Variants in IQGAP3 observed in about 807,000 individuals in gnomAD.
IQGAP3 encodes the protein IQ motif containing GTPase activating protein 3.
A neutral mutation model predicts 208.2 loss-of-function variants in IQGAP3; 165 were observed. That is an observed-to-expected ratio of 0.79 (90% CI 0.70 to 0.90). IQGAP3 has a LOEUF of 0.90. Among genes scored for constraint, IQGAP3 ranks in the 40% least tolerant of loss-of-function variants. The probability of loss-of-function intolerance (pLI) is 0.00; values close to 1 mark genes in which losing one functional copy is unlikely to be tolerated. For synonymous variants in IQGAP3, 703 were observed against 803.6 expected (o/e 0.87, Z 2.12); for missense variants, 1,811 against 2,043.1 (o/e 0.89, Z 2.19).
intron 12 of IQGAP3, among the ~76,000 whole-genome samples, chr1:156,554,612 A>G (rs1011402982): frequency 6.6e-6 from 1 of 152,234 alleles, no homozygotes; most frequent in Non-Finnish European, 1.5e-5. Flanking sequence ...AATTTTCATA[A>G]TAAGCCGACA....
At chr1:156,561,066 C>T in intron 10 of IQGAP3, 45 bp from the exon 11 acceptor site, 1 of 1,405,986 alleles carries the variant, frequency 7.1e-7, no homozygotes, top group Non-Finnish European at 1.0e-6. Context: ...CTTCCGGGGC[C>T]ATGACCATGC....
At chr1:156,539,758 A>G in intron 24 of IQGAP3, 80 bp downstream of exon 24, 1 of 1,510,058 alleles carries the variant, frequency 6.6e-7, no homozygotes, top group Non-Finnish European at 9.2e-7. Context: ...CATGGTGCCA[A>G]ACGCACAGAC....
chr1:156,539,248 G>C (rs1293749280), intron 25 of IQGAP3, 126 bp downstream of exon 25: 2 of 969,558 alleles, frequency 2.1e-6, no homozygotes, highest in African/African-American at 1.6e-5. Flanking sequence ...ACAGGAGGTA[G>C]AGAAAAGAGG....
intron 2 of IQGAP3, among the ~76,000 whole-genome samples, chr1:156,567,521 T>A (rs1466065826): frequency 6.6e-6 from 1 of 152,216 alleles, no homozygotes. Context: ...ACACTTTGAA[T>A]ATAAAGTATT....
At chr1:156,553,501 CTACT>C (rs1419645250) in intron 13 of IQGAP3, among the ~76,000 whole-genome samples, 1 of 152,134 alleles carries the variant, frequency 6.6e-6, no homozygotes, top group Non-Finnish European at 1.5e-5. Context: ...AAAACTGTCC[CTACT>C]ATGTCTCTAC....
chr1:156,537,102 T>C (rs1478474969), intron 27 of IQGAP3, 79 bp downstream of exon 27: 1 of 1,471,194 alleles, frequency 6.8e-7, no homozygotes, highest in Non-Finnish European at 9.3e-7. Context: ...TGCAGGACTA[T>C]CACCCTGCTC....
chr1:156,572,158 G>A (rs1261534642), intron 1 of IQGAP3, among the ~76,000 whole-genome samples: 2 of 152,182 alleles, frequency 1.3e-5, no homozygotes, highest in Non-Finnish European at 2.9e-5. Flanking sequence ...TGGCATCGCT[G>A]GGCAAGTTTG....
In IQGAP3 at chr1:156,543,973, C is replaced by A. The variant is rs1296616451; in HGVS notation, c.2530+8G>T. 1 of 1,613,288 alleles carries A rather than the reference C, an allele frequency of 6.2e-7. No individual in the cohort carries two copies. The highest frequency in any genetic ancestry group is 1.1e-5 in the South Asian group (1 of 91,068). ...CAACAGCTGGGGAGGGTGGATCAGG[C>A]AGCTCACCTAATATCCTGTAGTCAT... On this transcript the variant is annotated splice_region_variant and intron_variant, in intron 22 of 37. Coordinates refer to ENST00000361170, the MANE Select transcript of IQGAP3 (RefSeq NM_178229.5).
chr1:156,530,390 G>T, intron 33 of IQGAP3, 73 bp from the exon 34 acceptor site: 1 of 1,328,412 alleles, frequency 7.5e-7, no homozygotes, highest in South Asian at 1.3e-5. Flanking sequence ...AAGGTCCCAT[G>T]GGCACCAGCA....
intron 7 of IQGAP3, 55 bp downstream of exon 7, chr1:156,563,498 G>T: frequency 6.8e-7 from 1 of 1,468,092 alleles, no homozygotes; most frequent in Non-Finnish European, 9.4e-7. Context: ...GTGAGGCTTG[G>T]AGCCCTCCCA....
At position 156,544,213 on chromosome 1, in the gene IQGAP3, C is replaced by G; in HGVS notation, c.2399G>C (p.Trp800Ser). 6.2e-7 allele frequency: 1 copy of G among 1,614,102 alleles called. No homozygotes were observed. The highest frequency in any genetic ancestry group is 8.5e-7 in the Non-Finnish European group (1 of 1,179,992). ...NLDAIIKIQAWARMWAARRQY... is the reference protein window; with the variant it reads ...NLDAIIKIQASARMWAARRQY... Reference sequence around the variant, plus strand: ...CCTCCGAGCTGCCCACATCCGGGCCCAGGCCTGGATCTGGGAGAAGAAACA... The same window carrying G: ...CCTCCGAGCTGCCCACATCCGGGCCGAGGCCTGGATCTGGGAGAAGAAACA... The change falls in exon 21 of 38, where the codon TGG becomes TCG. Residue 800 changes from tryptophan to serine, a missense_variant. Transcript: ENST00000361170.
chr1:156,528,420 T>C, intron 36 of IQGAP3, 89 bp downstream of exon 36: 5 of 907,962 alleles, frequency 5.5e-6, no homozygotes, highest in Non-Finnish European at 7.1e-6. Context: ...ACCATGCTTC[T>C]TCTCTTCCAC....
Position 156,527,058 on chromosome 1 carries a change from G to C in IQGAP3, c.4783-459C>G, listed in dbSNP as rs1033203815. Among the ~76,000 whole-genome samples the C allele has an allele frequency of 1.5e-4, 23 of 150,988 alleles. No homozygotes were observed. The South Asian group carries it at 1.9e-3, about 12-fold the overall frequency. ...ATATTGGCCAGGCTGGTCTTGAACT[G>C]CTGACCTCGTGATCCGCCCGCCTCG... On this transcript the variant is annotated intron_variant, in intron 37 of 37. Coordinates refer to ENST00000361170, the MANE Select transcript of IQGAP3 (RefSeq NM_178229.5).
intron 2 of IQGAP3, among the ~76,000 whole-genome samples, chr1:156,568,722 C>T (rs368295069): frequency 1.8e-3 from 268 of 152,230 alleles, no homozygotes; most frequent in Non-Finnish European, 3.0e-3. Context: ...GGGGTTTCGC[C>T]ATGTTGCTTG....
chr1:156,540,730 A>T lies in IQGAP3; in HGVS notation c.2717T>A (p.Val906Glu), dbSNP rs1382006294. The T allele has an allele frequency of 6.2e-7, 1 of 1,614,054 alleles. No homozygotes were observed. Among genetic ancestry groups the T allele is most frequent in the South Asian group, 1.1e-5 (1 of 91,070 alleles). The change falls in exon 23 of 38, where the codon GTG (valine) becomes GAG (glutamate). Residue 906 changes from valine (V) to glutamate (E), a missense_variant. Physicochemically the swap from Val to Glu is moderately radical, Grantham distance 121. Coordinates refer to ENST00000361170, the MANE Select transcript of IQGAP3 (RefSeq NM_178229.5). ...NIMDIKIGLL[V>E]KNRITLQEVV... Reference sequence around the variant, plus strand: ...TACCTGCAGAGTGATCCGGTTCTTCACCAGCAGGCCAATCTTGATGTCCAT... The same window carrying T: ...TACCTGCAGAGTGATCCGGTTCTTCTCCAGCAGGCCAATCTTGATGTCCAT...
intron 16 of IQGAP3, among the ~76,000 whole-genome samples, chr1:156,549,488 GA>G (rs1362300059): frequency 0.01 from 1,401 of 138,394 alleles, 29 homozygotes; most frequent in African/African-American, 0.035. Flanking sequence ...AAAAAAAAAA[GA>G]AAAAAAAAAT....
intron 26 of IQGAP3, among the ~76,000 whole-genome samples, chr1:156,538,229 T>C (rs1457785142): frequency 6.6e-6 from 1 of 151,998 alleles, no homozygotes; most frequent in Non-Finnish European, 1.5e-5. Flanking sequence ...CCCGGCTAAT[T>C]TTTTGTATTT....
At chr1:156,546,802 C>T (rs1675264587) in intron 19 of IQGAP3, among the ~76,000 whole-genome samples, 2 of 152,212 alleles carry the variant, frequency 1.3e-5, no homozygotes, top group African/African-American at 4.8e-5. Context: ...TACCCCCCAA[C>T]ACCCTCAGTC....
chr1:156,534,289 C>G, intron 29 of IQGAP3, 148 bp from the exon 30 acceptor site: 6 of 1,283,866 alleles, frequency 4.7e-6, no homozygotes, highest in Non-Finnish European at 6.5e-6. Flanking sequence ...CCTGCCCTAC[C>G]TCTGTCCCAG....
Sources: gnomAD v4.1 joint callset for allele counts (sites outside exome capture counted in the v4.1 genomes callset) on GRCh38, gnomAD v4.1.1 for gene constraint, MANE v1.5 for transcripts, NCBI Gene and HGNC (gene_info 2026-07-23, HGNC 2026-07-21) for gene names.